The following USP54 variants were observed in gnomAD, a reference collection of about 807,000 sequenced individuals.
The protein encoded by USP54 is ubiquitin specific peptidase 54, also known as ubiquitin carboxyl-terminal hydrolase 54.
In USP54, 87 loss-of-function variants were observed where a neutral mutation model predicts 170.5. The observed-to-expected ratio is 0.51, with a 90% CI of 0.43 to 0.61. The LOEUF (loss-of-function observed/expected upper bound fraction) is 0.61. Ranked by LOEUF, USP54 falls within the 20% of genes least tolerant of loss-of-function variation. USP54 has a pLI of 0.00. For synonymous variants in USP54, 655 were observed against 742.8 expected (o/e 0.88, Z 1.92); for missense variants, 1,786 against 2,047.8 (o/e 0.87, Z 2.47).
At chr10:73,574,026 C>A (rs1157680465) in intron 3 of USP54, among the ~76,000 whole-genome samples, 1 of 152,194 alleles carries the variant, frequency 6.6e-6, no homozygotes, top group Non-Finnish European at 1.5e-5. Context: ...TAATATTTTA[C>A]CCAAGTATAA....
chr10:73,565,199 G>C (rs1345440390), intron 4 of USP54, among the ~76,000 whole-genome samples: 4 of 152,030 alleles, frequency 2.6e-5, no homozygotes, highest in African/African-American at 9.7e-5. Flanking sequence ...GGATTTTATG[G>C]TTGTTTGTTA....
intron 1 of USP54, among the ~76,000 whole-genome samples, chr10:73,584,093 G>C (rs1414785636): frequency 6.6e-6 from 1 of 152,070 alleles, no homozygotes. Context: ...TGATTTATAG[G>C]AAAAGAAGAG....
chr10:73,554,808 T>G (rs533655007), intron 4 of USP54, among the ~76,000 whole-genome samples: 6 of 152,334 alleles, frequency 3.9e-5, no homozygotes, highest in Admixed American at 2.6e-4. Context: ...CTCTAAAAAA[T>G]AATAACTTTT....
At chr10:73,599,410 C>T (rs2078995942) in intron 1 of USP54, among the ~76,000 whole-genome samples, 1 of 152,160 alleles carries the variant, frequency 6.6e-6, no homozygotes, top group Non-Finnish European at 1.5e-5. Flanking sequence ...CTTAATACTG[C>T]ATATCATGTT....
intron 4 of USP54, among the ~76,000 whole-genome samples, chr10:73,555,514 G>C (rs754841849): frequency 3.0e-4 from 45 of 152,172 alleles, no homozygotes; most frequent in Non-Finnish European, 4.6e-4. Flanking sequence ...AAGAGACACA[G>C]ATAAACAGTA....
chr10:73,526,808 A>C, intron 15 of USP54, 28 bp from the exon 16 acceptor site: 1 of 1,610,886 alleles, frequency 6.2e-7, no homozygotes, highest in African/African-American at 1.3e-5. Context: ...GAGTCTAGTG[A>C]AAGCATGAAA....
rs1564613134 is a variant in USP54, at chr10:73,505,293, A to T, written c.4170+15T>A. On this transcript the variant is annotated intron_variant, in intron 21 of 23. Transcript: ENST00000687698. ...ACCACCCCAGGCCCAGCACCTTAGC[A>T]CCTGAGGCTGCTACCTGAGAAGTAC... The T allele has an allele frequency of 1.2e-6, 2 of 1,610,474 alleles. No homozygotes were observed. The highest frequency in any genetic ancestry group is 1.7e-6 in the Non-Finnish European group (2 of 1,177,626).
chr10:73,516,828 C>T lies in USP54; in HGVS notation c.3598G>A (p.Glu1200Lys). ...AGAGAAGAATGTTCAGTGGACTCTT[C>T]CCAGGAAAGTGGTCTATCCCCACCC... is the stretch of plus-strand genomic sequence containing the variant. ...LEGGDRPLSWEESTEHSSLAL... is the reference protein window; with the variant it reads ...LEGGDRPLSWKESTEHSSLAL... Residue 1200 changes from glutamate to lysine, a missense_variant, in exon 20 of 24, where the codon GAA (glutamate) becomes AAA (lysine). Transcript: ENST00000687698. 1 of 1,614,212 alleles carries T rather than the reference C, an allele frequency of 6.2e-7. No homozygotes were observed.
At chr10:73,559,786 G>A (rs573604683) in intron 4 of USP54, among the ~76,000 whole-genome samples, 3 of 151,196 alleles carry the variant, frequency 2.0e-5, no homozygotes, top group Admixed American at 6.6e-5. Flanking sequence ...AAACAGGGCC[G>A]GGCATGGTGA....
At position 73,519,809 on chromosome 10, in the gene USP54, G is replaced by C. The variant is rs777636136; in HGVS notation, c.2666C>G (p.Ser889Cys). 15 of 1,613,990 alleles carry C rather than the reference G, an allele frequency of 9.3e-6. No homozygotes were observed. In the East Asian group the frequency reaches 2.9e-4, roughly 31 times the overall value. ...ACLPTQAGTL[S>C]QPTSEQPIPL... ...TCCCAAGCACTACCTTGTTGGCTGA[G>C]AGAGAGTCCCCGCCTGTGTTGGGAG... The change falls in exon 19 of 24, where the codon TCT (serine) becomes TGT (cysteine). Residue 889 changes from serine to cysteine, a missense_variant. By Grantham distance (112) the Ser-to-Cys change is moderately radical (BLOSUM62 -1). This residue lies in a region of USP54 where 1,418 missense variants were observed against 1,569.0 expected (regional missense o/e 0.90). Coordinates refer to ENST00000687698, the MANE Select transcript of USP54 (RefSeq NM_001391956.1).
At chr10:73,503,185 T>C (rs1454977618) in intron 22 of USP54, among the ~76,000 whole-genome samples, 1 of 152,238 alleles carries the variant, frequency 6.6e-6, no homozygotes, top group Admixed American at 6.5e-5. Context: ...CTTCTTTTAA[T>C]TCAGTTAATA....
Position 73,612,768 on chromosome 10 carries a change from A to T in USP54, c.-18+12799T>A, listed in dbSNP as rs1457664415. On this transcript the variant is annotated intron_variant, in intron 1 of 22. Transcript: ENST00000339859. ...ACGCAGGAAAATCCTTGAACCCACG[A>T]GGTGGAGGTTGCAATGAGCAGAGAT... Among the ~76,000 whole-genome samples, 5 of 140,228 alleles carry T rather than the reference A, an allele frequency of 3.6e-5. No homozygotes were observed. In the East Asian group the frequency reaches 1.1e-3, roughly 31 times the overall value. 92.0% of individuals were successfully genotyped at this position (140,228 alleles called of 152,430 possible). A position where few individuals can be genotyped will look rare whatever the true frequency, so the allele number is the denominator to read the frequency against.
intron 4 of USP54, among the ~76,000 whole-genome samples, chr10:73,561,285 ACT>A (rs2072972083): frequency 6.6e-6 from 1 of 152,116 alleles, no homozygotes; most frequent in African/African-American, 2.4e-5. Context: ...CATGCTAAAT[ACT>A]ATTAAGTCAA....
At chr10:73,603,240 T>A (rs2079341450) in intron 1 of USP54, among the ~76,000 whole-genome samples, 1 of 152,208 alleles carries the variant, frequency 6.6e-6, no homozygotes, top group South Asian at 2.1e-4. Context: ...AATATTTAAT[T>A]TGCTGGATGG....
chr10:73,619,532 CA>C (rs536966553), intron 1 of USP54, among the ~76,000 whole-genome samples: 5,328 of 97,548 alleles, frequency 0.055, 165 homozygotes, highest in South Asian at 0.15. Context: ...GACTCCATCT[CA>C]AAAAAAAAAA....
At chr10:73,612,156 T>G (rs1393639966) in intron 1 of USP54, among the ~76,000 whole-genome samples, 2 of 152,184 alleles carry the variant, frequency 1.3e-5, no homozygotes, top group Admixed American at 1.3e-4. Context: ...TTATCCTATA[T>G]GTATAATTAA....
At chr10:73,500,927 G>T in intron 22 of USP54, 89 bp from the exon 23 acceptor site, 1 of 1,376,984 alleles carries the variant, frequency 7.3e-7, no homozygotes, top group Non-Finnish European at 9.7e-7. Context: ...GCAAGCAAAG[G>T]GAAATGGAGG....
At chr10:73,535,205 G>C (rs1251201022) in intron 11 of USP54, among the ~76,000 whole-genome samples, 1 of 152,132 alleles carries the variant, frequency 6.6e-6, no homozygotes, top group East Asian at 1.9e-4. Flanking sequence ...ATTGATACCA[G>C]ATGCATTTTT....
intron 11 of USP54, among the ~76,000 whole-genome samples, chr10:73,535,938 T>G (rs139786201): frequency 6.6e-6 from 1 of 152,210 alleles, no homozygotes; most frequent in Non-Finnish European, 1.5e-5. Flanking sequence ...AAGTCACTGG[T>G]AAATTGCTAA....
Sources: gnomAD v4.1 joint callset for allele counts (sites outside exome capture counted in the v4.1 genomes callset) on GRCh38, gnomAD v4.1.1 for gene constraint, gnomAD v4.1.1 regional missense constraint, MANE v1.5 for transcripts, NCBI Gene and HGNC (gene_info 2026-07-23, HGNC 2026-07-21) for gene names.